Variants in RAPGEF1 observed in about 807,000 individuals in gnomAD.
The protein encoded by RAPGEF1 is CRK SH3-binding GNRP.
RAPGEF1 carries 33 observed loss-of-function variants against 143.3 expected under a neutral mutation model. The observed-to-expected ratio is 0.23, with a 90% CI of 0.17 to 0.31. The LOEUF (loss-of-function observed/expected upper bound fraction) is 0.31, where lower values mean the gene tolerates loss of function less well. Among genes scored for constraint, RAPGEF1 ranks in the 10% least tolerant of loss-of-function variants. RAPGEF1 has a pLI of 1.00. For synonymous variants in RAPGEF1, 629 were observed against 676.5 expected (o/e 0.93, Z 1.09); for missense variants, 1,199 against 1,645.4 (o/e 0.73, Z 4.69).
intron 17 of RAPGEF1, 99 bp from the exon 18 acceptor site, chr9:131,592,282 G>T (rs1417901750): frequency 1.1e-6 from 1 of 932,020 alleles, no homozygotes; most frequent in Admixed American, 1.9e-5. Flanking sequence ...AGAGGCAGGG[G>T]AGATGGCACG....
At chr9:131,691,835 T>C (rs529730704) in intron 1 of RAPGEF1, among the ~76,000 whole-genome samples, 1 of 152,334 alleles carries the variant, frequency 6.6e-6, no homozygotes, top group South Asian at 2.1e-4. Context: ...GGTTTTTAAT[T>C]TGACATATTG....
Position 131,639,956 on chromosome 9 carries a change from C to G in RAPGEF1, c.495-1165G>C, listed in dbSNP as rs974266884. Among the ~76,000 whole-genome samples the G allele has an allele frequency of 2.6e-5, 4 of 152,200 alleles. No individual in the cohort carries two copies. The East Asian group carries it at 7.7e-4, about 29-fold the overall frequency. ...CCATTTAGCCAGGCGTTCCACTCTG[C>G]ATGTTCCAACAGGAGAAAAGGGTCG... On this transcript the variant is annotated intron_variant, in intron 4 of 26. Transcript: ENST00000683357.
chr9:131,577,378 T>G lies in RAPGEF1; in HGVS notation c.*2119A>C, dbSNP rs1951332541. 6.6e-6 allele frequency: 1 copy of G among 152,180 alleles called. No individual in the cohort carries two copies. Among genetic ancestry groups the G allele is most frequent in the Admixed American group, 6.5e-5 (1 of 15,272 alleles). 9.4% of individuals were successfully genotyped at this position (152,180 alleles called of 1,614,324 possible). ...TCAGGGAAGGTGAAGAGACCCCACC[T>G]CTATCCAGCTCAAGCCCAAGAACAA... On this transcript the variant is annotated 3_prime_UTR_variant, in exon 27 of 27. Coordinates refer to ENST00000683357, the MANE Select transcript of RAPGEF1 (RefSeq NM_001377935.1).
chr9:131,640,266 G>A (rs999813111), intron 4 of RAPGEF1, among the ~76,000 whole-genome samples: 2 of 152,226 alleles, frequency 1.3e-5, no homozygotes, highest in Admixed American at 1.3e-4. Context: ...GAGGCATCTT[G>A]AAAGAAGCCT....
chr9:131,589,873 G>C lies in RAPGEF1; in HGVS notation c.2867+13C>G, dbSNP rs764265205. 1 of 1,611,608 alleles carries C rather than the reference G, an allele frequency of 6.2e-7. No homozygotes were observed. The highest frequency in any genetic ancestry group is 8.5e-7 in the Non-Finnish European group (1 of 1,177,816). ...CCCACTGGCCCCCAGGACCCCAAGG[G>C]TGAAGCACTCACCAGAGCTCATCCA... On this transcript the variant is annotated intron_variant, in intron 19 of 26. Coordinates refer to ENST00000683357, the MANE Select transcript of RAPGEF1 (RefSeq NM_001377935.1).
rs1306496768 is a variant in RAPGEF1, at chr9:131,589,961, G to A, written c.2792C>T (p.Pro931Leu). 9.3e-6 allele frequency: 15 copies of A among 1,613,562 alleles called. No homozygotes were observed. Among genetic ancestry groups the A allele is most frequent in the African/African-American group, 2.7e-5 (2 of 74,882 alleles). The change falls in exon 19 of 27, where the codon CCC becomes CTC. Residue 931 changes from proline to leucine, a missense_variant. By Grantham distance (98) the Pro-to-Leu change is moderately conservative (BLOSUM62 -3). This residue lies in a region of RAPGEF1 where 209 missense variants were observed against 403.0 expected (regional missense o/e 0.52). Coordinates refer to ENST00000683357, the MANE Select transcript of RAPGEF1 (RefSeq NM_001377935.1). Reference sequence around the variant, plus strand: ...GCGCTTCTTGAATGTGTCGGCAAAGGGAGAGAATTTCTCATATGTGGAGCA... The same window carrying A: ...GCGCTTCTTGAATGTGTCGGCAAAGAGAGAGAATTTCTCATATGTGGAGCA... The part of the protein sequence containing the change: ...KLQYRYEKFS[P>L]FADTFKKRVS...
intron 5 of RAPGEF1, 67 bp downstream of exon 5, chr9:131,638,568 T>G: frequency 6.4e-7 from 1 of 1,573,856 alleles, no homozygotes; most frequent in Non-Finnish European, 8.7e-7. Flanking sequence ...AGCTCTTATG[T>G]GACAAGCACC....
chr9:131,616,265 T>TCAAAAA (rs1245919867), intron 12 of RAPGEF1, among the ~76,000 whole-genome samples: 2 of 152,158 alleles, frequency 1.3e-5, no homozygotes, highest in African/African-American at 4.8e-5. Context: ...AGACTCCATC[T>TCAAAAA]CAAAAACAAA....
intron 1 of RAPGEF1, among the ~76,000 whole-genome samples, chr9:131,707,235 T>C (rs1375714162): frequency 3.3e-5 from 5 of 152,226 alleles, no homozygotes; most frequent in Non-Finnish European, 7.3e-5. Context: ...CGGTGTCTGC[T>C]AAGGCCCATT....
At chr9:131,681,627 A>C (rs939477027) in intron 1 of RAPGEF1, among the ~76,000 whole-genome samples, 23 of 152,174 alleles carry the variant, frequency 1.5e-4, no homozygotes, top group Non-Finnish European at 2.1e-4. Flanking sequence ...TGGTGGGCAG[A>C]TGAAGCTTCC....
At chr9:131,595,472 A>C (rs1955094794) in intron 17 of RAPGEF1, among the ~76,000 whole-genome samples, 1 of 152,252 alleles carries the variant, frequency 6.6e-6, no homozygotes, top group Non-Finnish European at 1.5e-5. Context: ...GGGTTGGGCT[A>C]GGATTTCAAG....
At chr9:131,731,142 T>C (rs544943350) in intron 1 of RAPGEF1, among the ~76,000 whole-genome samples, 4 of 150,790 alleles carry the variant, frequency 2.7e-5, no homozygotes, top group African/African-American at 9.6e-5. Context: ...AAAAGCTCTG[T>C]GTCTTAGTCT....
rs35466063 is a variant in RAPGEF1 at position 131,650,257 on chromosome 9, A to G, written c.202-15T>C. Reference sequence around the variant, plus strand: ...TCTGTTGCCTCCTGGAAGAGAGGAAACCTGGATTCCTACAGAGTTTGAAAT... The same window carrying G: ...TCTGTTGCCTCCTGGAAGAGAGGAAGCCTGGATTCCTACAGAGTTTGAAAT... On this transcript the variant is annotated splice_polypyrimidine_tract_variant and intron_variant, in intron 2 of 26. Coordinates refer to ENST00000683357, the MANE Select transcript of RAPGEF1 (RefSeq NM_001377935.1). The surrounding 1 kb of genome is among the most constrained non-coding windows in gnomAD (Gnocchi z 4.7). The G allele has an allele frequency of 1.1e-5, 17 of 1,583,296 alleles. No individual in the cohort carries two copies. The highest frequency in any genetic ancestry group is 1.5e-5 in the Non-Finnish European group (17 of 1,154,216).
chr9:131,633,603 C>A (rs973069576), intron 5 of RAPGEF1, among the ~76,000 whole-genome samples: 2 of 152,166 alleles, frequency 1.3e-5, no homozygotes, highest in Non-Finnish European at 2.9e-5. Context: ...CAAAACAATC[C>A]TGGAATGACA....
intron 12 of RAPGEF1, among the ~76,000 whole-genome samples, chr9:131,616,928 G>C (rs2282007): frequency 0.25 from 38,121 of 152,060 alleles, 5,163 homozygotes; most frequent in Non-Finnish European, 0.31. Context: ...GGTTCCTGAG[G>C]TATTCTCCTT....
At chr9:131,595,712 A>G (rs1350480547) in intron 17 of RAPGEF1, among the ~76,000 whole-genome samples, 4 of 151,510 alleles carry the variant, frequency 2.6e-5, no homozygotes, top group Admixed American at 1.3e-4. Context: ...AGCAGAGTCC[A>G]CCCAACAAGA....
intron 10 of RAPGEF1, 58 bp downstream of exon 10, chr9:131,625,864 A>G: frequency 6.7e-7 from 1 of 1,500,348 alleles, no homozygotes; most frequent in Non-Finnish European, 8.9e-7. Flanking sequence ...GAAATAAAAC[A>G]TACTGCCATT....
chr9:131,628,605 C>A lies in RAPGEF1; in HGVS notation c.961G>T (p.Ala321Ser), dbSNP rs1234546327. 3.1e-6 allele frequency: 5 copies of A among 1,613,014 alleles called. No homozygotes were observed. The highest frequency in any genetic ancestry group is 3.4e-6 in the Non-Finnish European group (4 of 1,179,218). Reference sequence around the variant, plus strand: ...CCACTGGTGGCTCGGCTCATGGGGGCCACCACAGCCACTCGGGTAGGGGAC... The same window carrying A: ...CCACTGGTGGCTCGGCTCATGGGGGACACCACAGCCACTCGGGTAGGGGAC... The part of the protein sequence containing the change: ...APSPTRVAVV[A>S]PMSRATSGSS... Residue 321 changes from alanine (A) to serine (S), a missense_variant, in exon 8 of 27, where the codon GCC (alanine) becomes TCC (serine). This residue lies in a region of RAPGEF1 where 613 missense variants were observed against 710.9 expected (regional missense o/e 0.86). Transcript: ENST00000683357. This position sits in a 1 kb window ranked among gnomAD's most constrained non-coding sequence, Gnocchi z 5.7.
chr9:131,597,130 A>G (rs1000719810), intron 16 of RAPGEF1, among the ~76,000 whole-genome samples: 2 of 152,132 alleles, frequency 1.3e-5, no homozygotes, highest in Admixed American at 6.5e-5. Context: ...CTGGCCCTCA[A>G]TGCTCCTTGC....
Sources: allele counts gnomAD v4.1 joint callset (sites outside exome capture counted in the v4.1 genomes callset), GRCh38; gene constraint gnomAD v4.1.1; regional missense constraint gnomAD v4.1.1; non-coding constraint Gnocchi (gnomAD v3.1); transcripts MANE v1.5; gene names NCBI Gene and HGNC (gene_info 2026-07-23, HGNC 2026-07-21).